The following NRXN3 variants were observed in gnomAD, a reference collection of about 807,000 sequenced individuals.
NRXN3 encodes the protein neurexin III.
In NRXN3, 32 loss-of-function variants were observed where a neutral mutation model predicts 137.6. The observed-to-expected ratio is 0.23, with a 90% CI of 0.18 to 0.31. The LOEUF is 0.31. Ranked by LOEUF, NRXN3 falls within the 10% of genes least tolerant of loss-of-function variation. The probability of loss-of-function intolerance (pLI) is 1.00; values close to 1 mark genes in which losing one functional copy is unlikely to be tolerated. For missense variants in NRXN3, 1,574 were observed against 2,062.5 expected (o/e 0.76, Z 4.59); for synonymous variants, 798 against 784.5 (o/e 1.02, Z -0.29).
intron 4 of NRXN3, among the ~76,000 whole-genome samples, chr14:78,334,705 T>G (rs1258441249): frequency 6.6e-6 from 1 of 152,178 alleles, no homozygotes; most frequent in Admixed American, 6.5e-5. Flanking sequence ...CGTACCACAG[T>G]CTGAATGAAG....
chr14:78,895,481 G>A (rs1293632077), intron 10 of NRXN3, among the ~76,000 whole-genome samples: 1 of 151,812 alleles, frequency 6.6e-6, no homozygotes, highest in Non-Finnish European at 1.5e-5. Flanking sequence ...GGAATGTTGT[G>A]GCTGGTTTGA....
chr14:78,913,143 G>A (rs73323341), intron 10 of NRXN3, among the ~76,000 whole-genome samples: 3,263 of 151,910 alleles, frequency 0.021, 106 homozygotes, highest in African/African-American at 0.072. Flanking sequence ...AGTACAGGTC[G>A]GAAAGTAAGC....
intron 19 of NRXN3, among the ~76,000 whole-genome samples, chr14:79,711,828 C>T (rs553073277): frequency 1.4e-4 from 22 of 152,052 alleles, no homozygotes; most frequent in Non-Finnish European, 2.2e-4. Context: ...TGAAGGGTGG[C>T]CCATATCCAA....
intron 15 of NRXN3, among the ~76,000 whole-genome samples, chr14:79,087,727 C>T (rs1446230979): frequency 1.2e-4 from 18 of 152,192 alleles, no homozygotes; most frequent in Admixed American, 1.2e-3. Context: ...CAATGCTCCC[C>T]TTTCCCTCAC....
intron 15 of NRXN3, among the ~76,000 whole-genome samples, chr14:79,358,665 G>GAAAGAAAGAA (rs1555397673): frequency 2.9e-4 from 43 of 150,054 alleles, no homozygotes; most frequent in Non-Finnish European, 5.1e-4. Flanking sequence ...AAGAAAGAAA[G>GAAAGAAAGAA]AAAGTGTCCT....
intron 14 of NRXN3, among the ~76,000 whole-genome samples, chr14:78,979,874 A>G (rs1439901682): frequency 6.6e-6 from 1 of 152,150 alleles, no homozygotes. Flanking sequence ...TCGTGAGAAC[A>G]GCATGGGAAA....
At chr14:78,619,331 G>A (rs1377754662) in intron 4 of NRXN3, among the ~76,000 whole-genome samples, 1 of 152,100 alleles carries the variant, frequency 6.6e-6, no homozygotes, top group East Asian at 1.9e-4. Context: ...CACACCCACT[G>A]TTCATATGTT....
intron 16 of NRXN3, among the ~76,000 whole-genome samples, chr14:79,479,274 T>G (rs1157694241): frequency 6.6e-6 from 1 of 152,076 alleles, no homozygotes; most frequent in Non-Finnish European, 1.5e-5. Context: ...TGTTTGCTGT[T>G]TTTTTAATTG....
intron 17 of NRXN3, among the ~76,000 whole-genome samples, chr14:79,668,492 A>G (rs75453293): frequency 0.013 from 2,008 of 152,200 alleles, 51 homozygotes; most frequent in African/African-American, 0.046. Flanking sequence ...CAGAGCCAAC[A>G]CTTTTCTATC....
At chr14:79,819,043 C>A (rs1322447798) in intron 20 of NRXN3, among the ~76,000 whole-genome samples, 3 of 152,184 alleles carry the variant, frequency 2.0e-5, no homozygotes, top group Non-Finnish European at 4.4e-5. Context: ...CCTCCTCTTA[C>A]TAAAAGATCA....
At chr14:79,796,225 T>G (rs768651728) in intron 19 of NRXN3, among the ~76,000 whole-genome samples, 13 of 152,208 alleles carry the variant, frequency 8.5e-5, no homozygotes, top group Non-Finnish European at 1.6e-4. Flanking sequence ...TTTTATTTAT[T>G]TTATTTTTCT....
At chr14:79,789,586 T>TA (rs990995909) in intron 19 of NRXN3, among the ~76,000 whole-genome samples, 34 of 152,242 alleles carry the variant, frequency 2.2e-4, no homozygotes, top group African/African-American at 8.2e-4. Context: ...TACTCATGCC[T>TA]CCCCTTTTTA....
intron 10 of NRXN3, among the ~76,000 whole-genome samples, chr14:78,928,003 A>G (rs1195783106): frequency 3.3e-5 from 5 of 152,188 alleles, no homozygotes; most frequent in Non-Finnish European, 7.3e-5. Context: ...GATAAATACA[A>G]CAGCTTCCTT....
rs188050672 is a variant in NRXN3 at position 78,825,411 on chromosome 14, A to G, written c.2275+15067A>G. On this transcript the variant is annotated intron_variant, in intron 10 of 20. Coordinates refer to ENST00000335750, the MANE Select transcript of NRXN3 (RefSeq NM_001330195.2). ...GTCCAGTTAAACCTGCTCTGCTATTAATTAGTTTTTGGTTTTGAGGTGATT... is the reference window on the plus strand; with the variant it reads ...GTCCAGTTAAACCTGCTCTGCTATTGATTAGTTTTTGGTTTTGAGGTGATT... Among the ~76,000 whole-genome samples the G allele has an allele frequency of 2.8e-4, 42 of 152,232 alleles. No homozygotes were observed. In the East Asian group the frequency reaches 3.5e-3, roughly 13 times the overall value.
At chr14:79,197,532 T>G (rs1034319406) in intron 15 of NRXN3, among the ~76,000 whole-genome samples, 1 of 151,778 alleles carries the variant, frequency 6.6e-6, no homozygotes, top group Non-Finnish European at 1.5e-5. Context: ...TCTCTTTTTC[T>G]TTTCTTACTG....
chr14:79,297,788 G>T (rs1040074000), intron 15 of NRXN3, among the ~76,000 whole-genome samples: 4 of 152,062 alleles, frequency 2.6e-5, no homozygotes, highest in African/African-American at 9.7e-5. Flanking sequence ...ACCCAGCACT[G>T]CGAGGAAGAG....
At chr14:78,857,048 A>AT (rs770855690) in intron 10 of NRXN3, among the ~76,000 whole-genome samples, 1 of 151,868 alleles carries the variant, frequency 6.6e-6, no homozygotes, top group Non-Finnish European at 1.5e-5. Context: ...TGTACTATTT[A>AT]TTTTTTTATC....
chr14:78,290,350 G>A (rs1002141935), intron 3 of NRXN3, among the ~76,000 whole-genome samples: 2 of 152,210 alleles, frequency 1.3e-5, no homozygotes, highest in African/African-American at 4.8e-5. Context: ...TGCCATGAAT[G>A]TCTTCAGACA....
intron 8 of NRXN3, among the ~76,000 whole-genome samples, chr14:78,781,351 T>C (rs904673038): frequency 6.6e-6 from 1 of 152,188 alleles, no homozygotes; most frequent in Non-Finnish European, 1.5e-5. Context: ...TTTTATTTCT[T>C]CAAAAAGAAT....
Sources: allele counts gnomAD v4.1 joint callset (sites outside exome capture counted in the v4.1 genomes callset), GRCh38; gene constraint gnomAD v4.1.1; transcripts MANE v1.5; gene names NCBI Gene and HGNC (gene_info 2026-07-23, HGNC 2026-07-21).